The following SCYL2 variants were observed in gnomAD, a reference collection of about 807,000 sequenced individuals.
SCYL2 encodes SCY1-like protein 2.
SCYL2 carries 36 observed loss-of-function variants against 100.4 expected under a neutral mutation model. That is an observed-to-expected ratio of 0.36 (90% CI 0.27 to 0.47). The LOEUF is 0.47. Among genes scored for constraint, SCYL2 ranks in the 20% least tolerant of loss-of-function variants. SCYL2 has a pLI of 1.00. For synonymous variants in SCYL2, 330 were observed against 359.2 expected (o/e 0.92, Z 0.92); for missense variants, 902 against 1,083.9 (o/e 0.83, Z 2.36).
At chr12:100,283,201 A>G (rs1405562215) in intron 2 of SCYL2, 54 bp downstream of exon 2, 5 of 1,450,408 alleles carry the variant, frequency 3.4e-6, no homozygotes, top group Non-Finnish European at 4.7e-6. Flanking sequence ...AAGAACCATA[A>G]AATGCATGTG....
chr12:100,331,211 G>C (rs1566371430), intron 13 of SCYL2, among the ~76,000 whole-genome samples: 1 of 152,154 alleles, frequency 6.6e-6, no homozygotes, highest in Non-Finnish European at 1.5e-5. Context: ...GGGAGACAGT[G>C]AGTATTGGGG....
Position 100,326,660 on chromosome 12 carries a change from G to A in SCYL2, c.1548G>A (p.Leu516=). The A allele has an allele frequency of 6.2e-7, 1 of 1,606,694 alleles. No individual in the cohort carries two copies. The highest frequency in any genetic ancestry group is 8.5e-7 in the Non-Finnish European group (1 of 1,177,494). Residue 516 remains leucine (L), a synonymous_variant, in exon 12 of 18, where the codon TTG becomes TTA. Transcript: ENST00000360820. ...VNSLVCLGKI[L]EYLDKWFVLD... ...CATTAGTGTGCTTAGGAAAGATTTT[G>A]GAATACTTGGATAAGTGGTTTGTAC...
At chr12:100,300,625 C>T (rs2096326436) in intron 4 of SCYL2, among the ~76,000 whole-genome samples, 1 of 152,046 alleles carries the variant, frequency 6.6e-6, no homozygotes, top group African/African-American at 2.4e-5. Flanking sequence ...ATTAACCATC[C>T]CTACTTTCCC....
At chr12:100,272,203 A>G (rs560944883) in intron 1 of SCYL2, among the ~76,000 whole-genome samples, 11 of 152,346 alleles carry the variant, frequency 7.2e-5, no homozygotes, top group African/African-American at 2.2e-4. Flanking sequence ...ATGGTGTACA[A>G]TGAGAAATGC....
In SCYL2 at chr12:100,328,443, G is replaced by A. The variant is rs558693043; in HGVS notation, c.1643-758G>A. On this transcript the variant is annotated intron_variant, in intron 12 of 17. Transcript: ENST00000360820. Reference sequence around the variant, plus strand: ...CTTGTGAGACTTCACTGAAACAAAGGGAAAGTAACAAGCATAGTGCTCAGC... The same window carrying A: ...CTTGTGAGACTTCACTGAAACAAAGAGAAAGTAACAAGCATAGTGCTCAGC... Among the ~76,000 whole-genome samples the A allele has an allele frequency of 9.2e-5, 14 of 152,290 alleles. No individual in the cohort carries two copies. The South Asian group carries it at 2.9e-3, about 32-fold the overall frequency.
intron 10 of SCYL2, among the ~76,000 whole-genome samples, chr12:100,320,351 C>T (rs1400866745): frequency 6.6e-6 from 1 of 151,994 alleles, no homozygotes; most frequent in African/African-American, 2.4e-5. Flanking sequence ...TCAAGACCAG[C>T]CTGGCCAACA....
In SCYL2 at chr12:100,298,176, G is replaced by A; in HGVS notation, c.480+1G>A. On this transcript the variant is annotated splice_donor_variant, in intron 4 of 17. Coordinates refer to ENST00000360820, the MANE Select transcript of SCYL2 (RefSeq NM_017988.6). LOFTEE classifies it high-confidence loss of function. The stretch of plus-strand genomic sequence containing the variant: ...AGAAACCAAATATGGTTTGCTTCAG[G>A]TATGTATTTTTATTCATCATGTAAA... 6.5e-7 allele frequency: 1 copy of A among 1,533,844 alleles called. No homozygotes were observed. The highest frequency in any genetic ancestry group is 1.4e-5 in the African/African-American group (1 of 70,816).
At chr12:100,317,658 G>T (rs1195125250) in intron 9 of SCYL2, 145 bp from the exon 10 acceptor site, 4 of 1,407,618 alleles carry the variant, frequency 2.8e-6, no homozygotes, top group Non-Finnish European at 1.8e-6. Flanking sequence ...TGATTTGTGT[G>T]TTTTTGTCTT....
At chr12:100,271,622 T>C (rs1446517977) in intron 1 of SCYL2, among the ~76,000 whole-genome samples, 2 of 152,234 alleles carry the variant, frequency 1.3e-5, no homozygotes, top group African/African-American at 4.8e-5. Flanking sequence ...TTTGTGCTTT[T>C]TGAAAGTCTA....
chr12:100,291,802 CT>C, intron 3 of SCYL2, 142 bp downstream of exon 3: 1 of 725,672 alleles, frequency 1.4e-6, no homozygotes, highest in Non-Finnish European at 2.2e-6. Flanking sequence ...AGTTTTCTCC[CT>C]AAAATTTATT....
At chr12:100,319,588 T>C (rs1383925401) in intron 10 of SCYL2, among the ~76,000 whole-genome samples, 2 of 152,158 alleles carry the variant, frequency 1.3e-5, no homozygotes, top group African/African-American at 2.4e-5. Flanking sequence ...GGCGCAATCT[T>C]GGCTCACTGC....
chr12:100,310,811 TAATA>T (rs1435807479), intron 4 of SCYL2, among the ~76,000 whole-genome samples: 6 of 152,196 alleles, frequency 3.9e-5, no homozygotes, highest in Admixed American at 2.6e-4. Context: ...GGAAGGAACT[TAATA>T]AATAGGTGTA....
intron 1 of SCYL2, among the ~76,000 whole-genome samples, chr12:100,276,035 G>T (rs1407382317): frequency 6.6e-6 from 1 of 152,144 alleles, no homozygotes; most frequent in East Asian, 1.9e-4. Context: ...TGGTCGTGGG[G>T]TTGGATGTGA....
intron 17 of SCYL2, 129 bp from the exon 18 acceptor site, chr12:100,338,399 T>G: frequency 1.4e-6 from 1 of 690,138 alleles, no homozygotes. Flanking sequence ...AGGCTATAGT[T>G]TGCTAATTTG....
intron 4 of SCYL2, among the ~76,000 whole-genome samples, chr12:100,309,134 G>A (rs909559572): frequency 7.2e-6 from 1 of 139,364 alleles, no homozygotes; most frequent in African/African-American, 2.7e-5. Context: ...GTGTGTGTGT[G>A]CGCGCGCGTG....
intron 2 of SCYL2, among the ~76,000 whole-genome samples, chr12:100,287,008 CA>C (rs2096305119): frequency 6.6e-6 from 1 of 151,794 alleles, no homozygotes; most frequent in Non-Finnish European, 1.5e-5. Flanking sequence ...AACATTATCC[CA>C]AAATCAGATG....
intron 10 of SCYL2, chr12:100,319,363 T>C (rs2096353034): frequency 2.4e-6 from 1 of 422,806 alleles, no homozygotes. Flanking sequence ...CCACAGGCTC[T>C]GTGCAGCCAA....
In SCYL2 at chr12:100,338,751, C is replaced by T. The variant is rs776083038; in HGVS notation, c.2369C>T (p.Thr790Ile). The change falls in exon 18 of 18, where the codon ACA becomes ATA. Residue 790 changes from threonine to isoleucine, a missense_variant. Transcript: ENST00000360820. ...TCAGGATTCAACATGCCCGTTAATA[C>T]AAACCAGAACTTCTACAGTAGTCCA... is the stretch of plus-strand genomic sequence containing the variant. ...QTSGFNMPVN[T>I]NQNFYSSPST... 1.2e-6 allele frequency: 2 copies of T among 1,613,998 alleles called. No homozygotes were observed. Among genetic ancestry groups the T allele is most frequent in the African/African-American group, 2.7e-5 (2 of 74,918 alleles).
At chr12:100,323,502 G>A (rs1254924387) in intron 10 of SCYL2, 23 bp from the exon 11 acceptor site, 2 of 1,314,984 alleles carry the variant, frequency 1.5e-6, no homozygotes, top group South Asian at 2.5e-5. Context: ...CCCTAATATT[G>A]ATTCAGTTTA....
Sources: allele counts gnomAD v4.1 joint callset (sites outside exome capture counted in the v4.1 genomes callset), GRCh38; gene constraint gnomAD v4.1.1; transcripts MANE v1.5; gene names NCBI Gene and HGNC (gene_info 2026-07-23, HGNC 2026-07-21).